RCL1: variants seen among roughly 807,000 people sequenced by gnomAD.
RCL1 encodes the protein RNA terminal phosphate cyclase like 1, also known as RNA 3'-terminal phosphate cyclase-like protein.
Under a neutral mutation model 42.4 loss-of-function variants are expected in RCL1, and 24 were observed. The ratio of observed to expected loss-of-function variants is 0.57; its 90% CI spans 0.41 to 0.80. The LOEUF (loss-of-function observed/expected upper bound fraction) is 0.80. RCL1 is among the 30% of genes least tolerant of loss of function. The probability of loss-of-function intolerance (pLI) is 0.00; values close to 1 mark genes in which losing one functional copy is unlikely to be tolerated. For synonymous variants in RCL1, 228 were observed against 177.3 expected (o/e 1.29, Z -2.27); for missense variants, 578 against 467.9 (o/e 1.24, Z -2.17).
chr9:4,816,942 A>T (rs1484223285), intron 1 of RCL1, among the ~76,000 whole-genome samples: 1 of 152,068 alleles, frequency 6.6e-6, no homozygotes, highest in Non-Finnish European at 1.5e-5. Flanking sequence ...TCAGCCTCCC[A>T]GGTAGCTGGG....
intron 1 of RCL1, among the ~76,000 whole-genome samples, chr9:4,816,291 T>G (rs1380004567): frequency 6.6e-6 from 1 of 152,240 alleles, no homozygotes; most frequent in Non-Finnish European, 1.5e-5. Context: ...CTTTTGACAC[T>G]TTCAGTGTAG....
intron 1 of RCL1, among the ~76,000 whole-genome samples, chr9:4,798,163 GC>G (rs1563825219): frequency 1.3e-5 from 2 of 152,194 alleles, no homozygotes; most frequent in Non-Finnish European, 2.9e-5. Context: ...TCATTTCACA[GC>G]GTGATGGACC....
At chr9:4,823,211 G>T (rs569901252) in intron 1 of RCL1, among the ~76,000 whole-genome samples, 1 of 151,382 alleles carries the variant, frequency 6.6e-6, no homozygotes, top group East Asian at 1.9e-4. Context: ...GTCCTCCTGA[G>T]TTCAGAAGAA....
intron 1 of RCL1, among the ~76,000 whole-genome samples, chr9:4,818,406 T>A (rs979431239): frequency 6.6e-6 from 1 of 152,222 alleles, no homozygotes; most frequent in African/African-American, 2.4e-5. Context: ...ACATTGTATA[T>A]AATAATGCAC....
At chr9:4,798,786 G>A (rs1439931532) in intron 1 of RCL1, among the ~76,000 whole-genome samples, 1 of 151,888 alleles carries the variant, frequency 6.6e-6, no homozygotes, top group Non-Finnish European at 1.5e-5. Flanking sequence ...GATTGAATAT[G>A]TCCTGTTAAT....
chr9:4,836,264 G>T (rs1190100745), intron 5 of RCL1, among the ~76,000 whole-genome samples: 2 of 152,170 alleles, frequency 1.3e-5, no homozygotes, highest in Non-Finnish European at 2.9e-5. Flanking sequence ...TTCATCCAAG[G>T]TTGGATGCAG....
chr9:4,853,576 C>G (rs370863059), intron 8 of RCL1, among the ~76,000 whole-genome samples: 2 of 152,204 alleles, frequency 1.3e-5, no homozygotes, highest in East Asian at 3.9e-4. Flanking sequence ...ATGCTTCGGC[C>G]TCCCAAAGTG....
chr9:4,814,390 C>G (rs1440456468), intron 1 of RCL1, among the ~76,000 whole-genome samples: 2 of 152,206 alleles, frequency 1.3e-5, no homozygotes, highest in African/African-American at 2.4e-5. Flanking sequence ...CTCAAGCAAT[C>G]TTTCCGGCCT....
At position 4,860,188 on chromosome 9, in the gene RCL1, ATGTGGTG is replaced by A; in HGVS notation, c.1036_1042del (p.Cys346LysfsTer10). The A allele has an allele frequency of 1.9e-6, 3 of 1,612,372 alleles. No homozygotes were observed. The South Asian group carries it at 3.3e-5, about 18-fold the overall frequency. On this transcript the variant is annotated frameshift_variant, in exon 9 of 9. Transcript: ENST00000381750. LOFTEE classifies it high-confidence loss of function. The stretch of plus-strand genomic sequence containing the variant: ...TTATGTTTAAAATTGAAACCAAGCC[ATGTGGTG>A]AAGAACTCAAGGGTGGGGATAAAGT...
rs772821344 is a variant in RCL1, at chr9:4,834,131, C to G, written c.460-10C>G. 5 of 1,611,444 alleles carry G rather than the reference C, an allele frequency of 3.1e-6. No individual in the cohort carries two copies. The highest frequency in any genetic ancestry group is 1.7e-4 in the Middle Eastern group (1 of 6,018). On this transcript the variant is annotated splice_polypyrimidine_tract_variant and intron_variant, in intron 4 of 8. Coordinates refer to ENST00000381750, the MANE Select transcript of RCL1 (RefSeq NM_005772.5). ...GCATCCTCGCCTCATCTTTCTCACT[C>G]TCTGTGTAGATTGTGCGACGGGGAA...
Position 4,793,200 on chromosome 9 carries a change from G to T in RCL1, c.109G>T (p.Ala37Ser). ...GRPVKIRKIR[A>S]RDDNPGLRDF... ...CCCCGTCAAAATCCGAAAGATTCGGGCCAGAGACGACAACCCGGGCCTCCG... is the reference window on the plus strand; with the variant it reads ...CCCCGTCAAAATCCGAAAGATTCGGTCCAGAGACGACAACCCGGGCCTCCG... The change falls in exon 1 of 9, where the codon GCC becomes TCC. Residue 37 changes from alanine (A) to serine (S), a missense_variant. Ala to Ser is a moderately conservative substitution (Grantham distance 99). Transcript: ENST00000381750. 6 of 1,606,812 alleles carry T rather than the reference G, an allele frequency of 3.7e-6. No individual in the cohort carries two copies. The highest frequency in any genetic ancestry group is 5.1e-6 in the Non-Finnish European group (6 of 1,176,740).
At chr9:4,813,045 T>G (rs1816235609) in intron 1 of RCL1, among the ~76,000 whole-genome samples, 1 of 152,216 alleles carries the variant, frequency 6.6e-6, no homozygotes, top group Non-Finnish European at 1.5e-5. Flanking sequence ...CTTCCCGATT[T>G]GGATGCCCTT....
intron 1 of RCL1, among the ~76,000 whole-genome samples, chr9:4,821,655 T>C (rs6476912): frequency 0.23 from 34,829 of 150,668 alleles, 4,154 homozygotes; most frequent in South Asian, 0.36. Flanking sequence ...TTTTTTTTTT[T>C]CCCCCCAGAG....
chr9:4,816,841 G>T (rs1816394935), intron 1 of RCL1, among the ~76,000 whole-genome samples: 1 of 151,926 alleles, frequency 6.6e-6, no homozygotes, highest in Non-Finnish European at 1.5e-5. Context: ...TTTTGAGATG[G>T]AGTCTCGCTC....
Position 4,860,509 on chromosome 9 carries a change from T to C in RCL1, c.*234T>C. 1 of 474,512 alleles carries C rather than the reference T, an allele frequency of 2.1e-6. No homozygotes were observed. The highest frequency in any genetic ancestry group is 3.6e-6 in the Non-Finnish European group (1 of 275,106). 29.4% of individuals were successfully genotyped at this position (474,512 alleles called of 1,614,324 possible). ...GGGCCCAGTCACCATGAGAGCTCCC[T>C]TGCCTTACCTGGAGGAAGAATGTGC... On this transcript the variant is annotated 3_prime_UTR_variant, in exon 9 of 9. Transcript: ENST00000381750.
In RCL1 at chr9:4,860,269, C is replaced by T; in HGVS notation, c.1116C>T (p.Leu372=). The change falls in exon 9 of 9, where the codon CTC becomes CTT. Residue 372 remains leucine (L), a synonymous_variant. Transcript: ENST00000381750. ...GIGFSNLSKT[L]K Reference sequence around the variant, plus strand: ...GTTTCTCCAACCTTAGCAAGACCCTCAAGTGATAACCATCACAAGATAAGG... The same window carrying T: ...GTTTCTCCAACCTTAGCAAGACCCTTAAGTGATAACCATCACAAGATAAGG... The T allele has an allele frequency of 6.2e-7, 1 of 1,612,728 alleles. No individual in the cohort carries two copies. Among genetic ancestry groups the T allele is most frequent in the African/African-American group, 1.3e-5 (1 of 74,956 alleles).
intron 1 of RCL1, among the ~76,000 whole-genome samples, chr9:4,810,401 T>C (rs1339308293): frequency 6.6e-6 from 1 of 152,220 alleles, no homozygotes; most frequent in African/African-American, 2.4e-5. Flanking sequence ...GTTTCTAAAA[T>C]ATTAACTATA....
intron 1 of RCL1, among the ~76,000 whole-genome samples, chr9:4,802,821 G>T (rs191780990): frequency 3.6e-4 from 55 of 152,138 alleles, no homozygotes; most frequent in Admixed American, 1.7e-3. Context: ...GGTAAGTTTT[G>T]TTTTGTTTTG....
intron 8 of RCL1, among the ~76,000 whole-genome samples, chr9:4,853,790 T>C (rs1817840332): frequency 1.4e-5 from 2 of 139,016 alleles, no homozygotes; most frequent in Non-Finnish European, 3.4e-5. Context: ...AAATAAACCG[T>C]GACTTTTTTT....
Sources: gnomAD v4.1 joint callset for allele counts (sites outside exome capture counted in the v4.1 genomes callset) on GRCh38, gnomAD v4.1.1 for gene constraint, MANE v1.5 for transcripts, NCBI Gene and HGNC (gene_info 2026-07-23, HGNC 2026-07-21) for gene names.